The following MTUS1 variants were observed in gnomAD, a reference collection of about 807,000 sequenced individuals.
The protein encoded by MTUS1 is microtubule associated scaffold protein 1, also known as microtubule-associated tumor suppressor 1.
Under a neutral mutation model 120.8 loss-of-function variants are expected in MTUS1, and 109 were observed. That is an observed-to-expected ratio of 0.90 (90% CI 0.77 to 1.06). The LOEUF is 1.06. Among genes scored for constraint, MTUS1 ranks in the 50% least tolerant of loss-of-function variants. The probability of loss-of-function intolerance (pLI) is 0.00; values close to 1 mark genes in which losing one functional copy is unlikely to be tolerated. For missense variants in MTUS1, 2,210 were observed against 1,486.3 expected (o/e 1.49, Z -8.01); for synonymous variants, 737 against 550.5 (o/e 1.34, Z -4.74).
At chr8:17,744,102 C>G (rs906039674) in intron 2 of MTUS1, among the ~76,000 whole-genome samples, 2 of 152,054 alleles carry the variant, frequency 1.3e-5, no homozygotes. Context: ...GACAGCAAGC[C>G]CTGAAGGAAA....
intron 2 of MTUS1, among the ~76,000 whole-genome samples, chr8:17,747,755 G>A (rs979157313): frequency 6.6e-5 from 10 of 152,058 alleles, no homozygotes; most frequent in African/African-American, 2.4e-4. Context: ...CCATTTTTAC[G>A]CTGCTTATAA....
intron 1 of MTUS1, among the ~76,000 whole-genome samples, chr8:17,796,012 C>A (rs1026117054): frequency 6.6e-6 from 1 of 151,760 alleles, no homozygotes; most frequent in Non-Finnish European, 1.5e-5. Context: ...GGCAGTGGAG[C>A]GATCTCAGCT....
rs758378088 is a variant in MTUS1, at chr8:17,723,719, G to A, written c.2402C>T (p.Pro801Leu). ...CTCACTGTGGGTGCTGGCTATTGAG[G>A]GGGTGCTTCCTGTCCTCCGCAGCGC... Reference protein sequence around the residue: ...SPALRRTGSTPSIASTHSELS... With the variant: ...SPALRRTGSTLSIASTHSELS... Residue 801 changes from proline to leucine, a missense_variant, in exon 4 of 15, where the codon CCC (proline) becomes CTC (leucine). By Grantham distance (98) the Pro-to-Leu change is moderately conservative. Transcript: ENST00000693296. 8.7e-6 allele frequency: 14 copies of A among 1,610,948 alleles called. No homozygotes were observed. The highest frequency in any genetic ancestry group is 1.7e-5 in the Admixed American group (1 of 59,860).
chr8:17,721,854 AG>A, intron 4 of MTUS1: 1 of 1,614,136 alleles, frequency 6.2e-7, no homozygotes, highest in Non-Finnish European at 8.5e-7. Context: ...AGATTTTTGA[AG>A]AAATATCAGT....
At chr8:17,789,763 A>T (rs2051616442) in intron 1 of MTUS1, among the ~76,000 whole-genome samples, 1 of 152,220 alleles carries the variant, frequency 6.6e-6, no homozygotes, top group Non-Finnish European at 1.5e-5. Context: ...AACTCACAGC[A>T]GCAGCCCAAC....
intron 3 of MTUS1, among the ~76,000 whole-genome samples, chr8:17,734,798 C>G (rs2046817538): frequency 6.6e-6 from 1 of 152,142 alleles, no homozygotes; most frequent in Admixed American, 6.6e-5. Context: ...CTGATAAGAA[C>G]AAAAGAAGGT....
At chr8:17,782,862 G>A (rs183322432) in intron 1 of MTUS1, among the ~76,000 whole-genome samples, 5 of 152,204 alleles carry the variant, frequency 3.3e-5, no homozygotes, top group African/African-American at 4.8e-5. Flanking sequence ...TGGATCACCT[G>A]AAGTCAGGAG....
At chr8:17,716,014 G>A in intron 4 of MTUS1, 113 bp from the exon 5 acceptor site, 1 of 918,154 alleles carries the variant, frequency 1.1e-6, no homozygotes, top group Non-Finnish European at 1.7e-6. Flanking sequence ...CCTACGACAT[G>A]CCAGTCATTA....
intron 6 of MTUS1, among the ~76,000 whole-genome samples, chr8:17,706,488 G>T (rs1384306872): frequency 6.6e-6 from 1 of 152,130 alleles, no homozygotes; most frequent in African/African-American, 2.4e-5. Context: ...AAACAATGAT[G>T]TAACATTTTA....
intron 8 of MTUS1, among the ~76,000 whole-genome samples, chr8:17,668,054 T>A (rs965016168): frequency 1.3e-5 from 2 of 152,218 alleles, no homozygotes; most frequent in Non-Finnish European, 2.9e-5. Flanking sequence ...AGATGAGAGT[T>A]AGCTGTTAAT....
At chr8:17,651,313 T>A (rs569970656) in intron 12 of MTUS1, among the ~76,000 whole-genome samples, 4 of 152,096 alleles carry the variant, frequency 2.6e-5, no homozygotes, top group Admixed American at 2.6e-4. Context: ...AATAATAATA[T>A]ATTGCGTACT....
rs560572126 is a variant in MTUS1, at chr8:17,755,725, G to A, written c.83C>T (p.Ala28Val). Residue 28 changes from alanine (A) to valine (V), a missense_variant, in exon 2 of 15, where the codon GCA (alanine) becomes GTA (valine). Coordinates refer to ENST00000693296, the MANE Select transcript of MTUS1 (RefSeq NM_001363059.2). ...FTSDKDGNTH[A>V]YNPKSPPTQN... ...TGTAGGTGGTGATTTCGGGTTGTAT[G>A]CATGTGTATTTCCATCTTTATCACT... 18 of 1,614,110 alleles carry A rather than the reference G, an allele frequency of 1.1e-5. No homozygotes were observed. The highest frequency in any genetic ancestry group is 4.0e-5 in the African/African-American group (3 of 75,034).
chr8:17,771,186 T>C (rs1396235704), intron 1 of MTUS1, among the ~76,000 whole-genome samples: 1 of 152,152 alleles, frequency 6.6e-6, no homozygotes, highest in Non-Finnish European at 1.5e-5. Flanking sequence ...ATTATCAAGT[T>C]AATAATAAAT....
At position 17,754,341 on chromosome 8, in the gene MTUS1, TG is replaced by T; in HGVS notation, c.1466del (p.Pro489GlnfsTer2). 1 of 1,614,174 alleles carries T rather than the reference TG, an allele frequency of 6.2e-7. No individual in the cohort carries two copies. The highest frequency in any genetic ancestry group is 8.5e-7 in the Non-Finnish European group (1 of 1,180,038). On this transcript the variant is annotated frameshift_variant, in exon 2 of 15. Coordinates refer to ENST00000693296, the MANE Select transcript of MTUS1 (RefSeq NM_001363059.2). LOFTEE classifies it high-confidence loss of function. ...CAGTTTTTCTAACTTTGCAGCCTAT[TG>T]GGGTATTCGTTTTGATTGTTGATTT... is the stretch of plus-strand genomic sequence containing the variant. The part of the protein sequence containing the change: ...LGKSTIKTNT[P>X]IGCKVRKTEI...
chr8:17,669,779 A>G (rs1158044241), intron 8 of MTUS1, among the ~76,000 whole-genome samples: 1 of 152,134 alleles, frequency 6.6e-6, no homozygotes, highest in African/African-American at 2.4e-5. Context: ...CAGGAGGTGG[A>G]GGTTGCAGTG....
intron 1 of MTUS1, among the ~76,000 whole-genome samples, chr8:17,793,419 C>T (rs2051962147): frequency 6.6e-6 from 1 of 152,054 alleles, no homozygotes; most frequent in Admixed American, 6.6e-5. Flanking sequence ...GAGCAAGGCA[C>T]AGAAAAGCAA....
At chr8:17,658,993 C>G (rs1323072459) in intron 8 of MTUS1, among the ~76,000 whole-genome samples, 1 of 151,894 alleles carries the variant, frequency 6.6e-6, no homozygotes, top group Non-Finnish European at 1.5e-5. Context: ...AAAACAAAAA[C>G]TATTTCTCGT....
chr8:17,751,523 A>T (rs1349252419), intron 2 of MTUS1, among the ~76,000 whole-genome samples: 1 of 152,116 alleles, frequency 6.6e-6, no homozygotes, highest in East Asian at 1.9e-4. Flanking sequence ...TGCAAGAGGT[A>T]AACTAGCAAA....
intron 1 of MTUS1, among the ~76,000 whole-genome samples, chr8:17,769,686 T>A (rs368603953): frequency 5.9e-5 from 9 of 152,074 alleles, no homozygotes; most frequent in African/African-American, 2.2e-4. Context: ...GGTTTAACAT[T>A]TTCAGGGCAT....
Sources: gnomAD v4.1 joint callset for allele counts (sites outside exome capture counted in the v4.1 genomes callset) on GRCh38, gnomAD v4.1.1 for gene constraint, MANE v1.5 for transcripts, NCBI Gene and HGNC (gene_info 2026-07-23, HGNC 2026-07-21) for gene names.